PRPSAP1: variants seen among roughly 807,000 people sequenced by gnomAD.
PRPSAP1 encodes phosphoribosyl pyrophosphate synthase-associated protein 1.
PRPSAP1 carries 31 observed loss-of-function variants against 39.4 expected under a neutral mutation model. The ratio of observed to expected loss-of-function variants is 0.79; its 90% confidence interval spans 0.59 to 1.06. PRPSAP1 has a LOEUF of 1.06. Among genes scored for constraint, PRPSAP1 ranks in the 50% least tolerant of loss-of-function variants. PRPSAP1 has a pLI of 0.00. For missense variants in PRPSAP1, 430 were observed against 511.6 expected, an observed-to-expected ratio of 0.84 and a Z score of 1.54; for synonymous variants, 212 against 192.6, an observed-to-expected ratio of 1.10 and a Z score of -0.83.
chr17:76,333,850 GCATT>G (rs58262193), intron 3 of PRPSAP1, among the ~76,000 whole-genome samples: 19 of 151,398 alleles, frequency 1.3e-4, no homozygotes, highest in South Asian at 4.2e-4. Context: ...TGTAGACTCT[GCATT>G]CATTCATTCA....
At chr17:76,327,326 C>A (rs1281644614) in intron 7 of PRPSAP1, among the ~76,000 whole-genome samples, 2 of 143,568 alleles carry the variant, frequency 1.4e-5, no homozygotes, top group African/African-American at 5.2e-5. Flanking sequence ...CCAGCCTGGG[C>A]GACAGAACGA....
chr17:76,341,447 C>G (rs770200352), intron 3 of PRPSAP1, among the ~76,000 whole-genome samples: 9 of 151,946 alleles, frequency 5.9e-5, no homozygotes, highest in Admixed American at 3.9e-4. Context: ...ACTATGTTGC[C>G]CAGGCTGTTC....
At chr17:76,350,551 T>C (rs1284406799) in intron 1 of PRPSAP1, among the ~76,000 whole-genome samples, 4 of 152,136 alleles carry the variant, frequency 2.6e-5, no homozygotes, top group Non-Finnish European at 4.4e-5. Context: ...TCTATTTGTA[T>C]GAAGTCCCAA....
At chr17:76,345,933 T>C in intron 2 of PRPSAP1, 1 of 450,106 alleles carries the variant, frequency 2.2e-6, no homozygotes, top group East Asian at 6.5e-5. Context: ...CTGCTAAACC[T>C]GCTCCTCCCT....
At position 76,350,165 on chromosome 17, in the gene PRPSAP1, C is replaced by T. The variant is rs371149703; in HGVS notation, c.171-1584G>A. On this transcript the variant is annotated intron_variant, in intron 1 of 9. Transcript: ENST00000446526. ...AAAAAGAATAAATTCTGCAGCCAGG[C>T]GCAGTGGCTCATGCCTGTAATCCCA... Among the ~76,000 whole-genome samples, 68 of 152,028 alleles carry T rather than the reference C, an allele frequency of 4.5e-4. 1 individual carries two copies. In the South Asian group the frequency reaches 0.011, roughly 25 times the overall value.
chr17:76,320,956 T>A (rs1168048377), intron 7 of PRPSAP1, among the ~76,000 whole-genome samples: 1 of 151,062 alleles, frequency 6.6e-6, no homozygotes, highest in South Asian at 2.1e-4. Context: ...TTTTTTGTAT[T>A]TTTTTTTGTA....
At chr17:76,347,150 G>A (rs904774786) in intron 2 of PRPSAP1, among the ~76,000 whole-genome samples, 49 of 151,614 alleles carry the variant, frequency 3.2e-4, no homozygotes, top group African/African-American at 9.7e-4. Flanking sequence ...TGTGGGATCC[G>A]AGTGTGCCAA....
chr17:76,342,649 T>A (rs2071451877), intron 3 of PRPSAP1, among the ~76,000 whole-genome samples: 1 of 150,866 alleles, frequency 6.6e-6, no homozygotes, highest in African/African-American at 2.4e-5. Flanking sequence ...GTTCAGGAGC[T>A]TAAGGCTGCA....
chr17:76,346,363 CTT>C (rs966851045), intron 2 of PRPSAP1, among the ~76,000 whole-genome samples: 5 of 152,182 alleles, frequency 3.3e-5, no homozygotes, highest in African/African-American at 1.2e-4. Context: ...GGCTCCCTGA[CTT>C]TGACACACAT....
intron 3 of PRPSAP1, among the ~76,000 whole-genome samples, chr17:76,341,615 G>A (rs2143530321): frequency 6.6e-6 from 1 of 152,254 alleles, no homozygotes; most frequent in South Asian, 2.1e-4. Flanking sequence ...GGGTAGTAAA[G>A]AGACTTCACC....
rs755308913 is a variant in PRPSAP1, at chr17:76,311,560, GT to G, written c.1139del (p.Asn380ThrfsTer27). On this transcript the variant is annotated frameshift_variant, in exon 10 of 10. Coordinates refer to ENST00000446526, the MANE Select transcript of PRPSAP1 (RefSeq NM_002766.3). LOFTEE classifies it high-confidence loss of function. ...GTGAAAGCTAGTCATCCACAGTGAT[GT>G]TTCGGAAAAGGTAGGCCATGGACTC... The part of the protein sequence containing the change: ...NGESMAYLFR[N>X]ITVDD 1 of 1,613,898 alleles carries G rather than the reference GT, an allele frequency of 6.2e-7. No individual in the cohort carries two copies. The highest frequency in any genetic ancestry group is 8.5e-7 in the Non-Finnish European group (1 of 1,179,938).
chr17:76,332,382 G>A lies in PRPSAP1; in HGVS notation c.344C>T (p.Thr115Ile). 6.2e-7 allele frequency: 1 copy of A among 1,614,154 alleles called. No homozygotes were observed. ...CCCAATAATGTTCCTGGCACAGGCA[G>A]TCTTCAGTGCGTAAGCCATGATGAG... ...ELLIMAYALK[T>I]ACARNIIGVI... The change falls in exon 4 of 10, where the codon ACT becomes ATT. Residue 115 changes from threonine (T) to isoleucine (I), a missense_variant. Around this residue, in one of 2 missense-constraint regions of PRPSAP1, gnomAD observed 278 missense variants for 376.3 expected, o/e 0.74. Transcript: ENST00000446526.
chr17:76,337,966 C>T (rs2071396771), intron 3 of PRPSAP1, among the ~76,000 whole-genome samples: 1 of 152,128 alleles, frequency 6.6e-6, no homozygotes, highest in Non-Finnish European at 1.5e-5. Context: ...TGTACATAAA[C>T]ATAAAAATTA....
chr17:76,317,263 T>A (rs1258365454), intron 7 of PRPSAP1, among the ~76,000 whole-genome samples: 1 of 152,116 alleles, frequency 6.6e-6, no homozygotes, highest in Non-Finnish European at 1.5e-5. Flanking sequence ...GGCAGGAGAA[T>A]TGCTTGGGCC....
At chr17:76,316,848 A>G (rs541277299) in intron 7 of PRPSAP1, among the ~76,000 whole-genome samples, 3 of 152,218 alleles carry the variant, frequency 2.0e-5, no homozygotes, top group Non-Finnish European at 2.9e-5. Flanking sequence ...ATAAAGCTGC[A>G]CTGACAACCC....
chr17:76,315,170 T>C (rs73996321), intron 7 of PRPSAP1, among the ~76,000 whole-genome samples: 18,578 of 152,204 alleles, frequency 0.12, 2,620 homozygotes, highest in African/African-American at 0.35. Flanking sequence ...AGAAAGGCTA[T>C]GAGTGTACAA....
chr17:76,348,694 TC>T, intron 1 of PRPSAP1, 113 bp from the exon 2 acceptor site: 1 of 783,838 alleles, frequency 1.3e-6, no homozygotes. Context: ...TGCCATTCTT[TC>T]CAAAAAATAA....
At chr17:76,330,448 A>C in intron 5 of PRPSAP1, 103 bp downstream of exon 5, 13 of 814,982 alleles carry the variant, frequency 1.6e-5, no homozygotes, top group Non-Finnish European at 2.0e-5. Context: ...GACTTAAGGG[A>C]GAGCTCATTT....
chr17:76,313,810 T>C lies in PRPSAP1; in HGVS notation c.852+11A>G, dbSNP rs80202202. 1.1e-3 allele frequency: 1,755 copies of C among 1,614,082 alleles called. 18 individuals carry two copies. In the African/African-American group the frequency reaches 0.02, roughly 19 times the overall value. On this transcript the variant is annotated intron_variant, in intron 8 of 9. Coordinates refer to ENST00000446526, the MANE Select transcript of PRPSAP1 (RefSeq NM_002766.3). ...GTGCCACCTCTGCACATGGATGACA[T>C]ATAACCATACCACGATGATTGCGAT...
Sources: allele counts gnomAD v4.1 joint callset (sites outside exome capture counted in the v4.1 genomes callset), GRCh38; gene constraint gnomAD v4.1.1; regional missense constraint gnomAD v4.1.1; transcripts MANE v1.5; gene names NCBI Gene and HGNC (gene_info 2026-07-23, HGNC 2026-07-21).